The following ANKRD17 variants were observed in gnomAD, a reference collection of about 807,000 sequenced individuals.
The protein encoded by ANKRD17 is ankyrin repeat domain 17, also known as ankyrin repeat domain-containing protein 17.
A neutral mutation model predicts 229.7 loss-of-function variants in ANKRD17; 19 were observed. The ratio of observed to expected loss-of-function variants is 0.08; its 90% CI spans 0.06 to 0.12. The LOEUF is 0.12. Among genes scored for constraint, ANKRD17 ranks in the 10% least tolerant of loss-of-function variants. The probability of loss-of-function intolerance (pLI) is 1.00; values close to 1 mark genes in which losing one functional copy is unlikely to be tolerated. For missense variants in ANKRD17, 2,176 were observed against 3,176.8 expected, an observed-to-expected ratio of 0.68 and a Z score of 7.57; for synonymous variants, 1,112 against 1,146.1, an observed-to-expected ratio of 0.97 and a Z score of 0.60.
chr4:73,106,528 T>A (rs1237465508), intron 24 of ANKRD17, among the ~76,000 whole-genome samples: 1 of 152,012 alleles, frequency 6.6e-6, no homozygotes, highest in Non-Finnish European at 1.5e-5. Flanking sequence ...TCCCATGCAA[T>A]CAACGAAGAG....
At chr4:73,137,109 G>C (rs944500625) in intron 15 of ANKRD17, among the ~76,000 whole-genome samples, 1 of 151,246 alleles carries the variant, frequency 6.6e-6, no homozygotes, top group African/African-American at 2.4e-5. Context: ...AAAATTAGGT[G>C]ACTGTCAATC....
At chr4:73,084,319 G>A (rs1205412402) in intron 30 of ANKRD17, among the ~76,000 whole-genome samples, 1 of 152,118 alleles carries the variant, frequency 6.6e-6, no homozygotes, top group African/African-American at 2.4e-5. Flanking sequence ...TACAGCCTGG[G>A]TGACAGAGTG....
At chr4:73,206,422 AAGTGAGAGAG>A (rs1376062692) in intron 1 of ANKRD17, among the ~76,000 whole-genome samples, 89 of 144,766 alleles carry the variant, frequency 6.1e-4, no homozygotes, top group African/African-American at 1.1e-3. Context: ...GAGAGAAAGA[AAGTGAGAGAG>A]AGAGAGAGAG....
intron 13 of ANKRD17, 53 bp downstream of exon 13, chr4:73,142,189 G>T: frequency 6.8e-7 from 1 of 1,473,620 alleles, no homozygotes; most frequent in Non-Finnish European, 9.0e-7. Context: ...GTAAGTGAAA[G>T]AATTAGGATA....
In ANKRD17 at chr4:73,076,158, T is replaced by C. The variant is rs961757812; in HGVS notation, c.*73A>G. On this transcript the variant is annotated 3_prime_UTR_variant, in exon 34 of 34. Coordinates refer to ENST00000358602, the MANE Select transcript of ANKRD17 (RefSeq NM_032217.5). ...ACATCAGTAGAATGATTTGGGAGCATAATTTTTTTTTTCGGCCACTTGTGA... is the reference window on the plus strand; with the variant it reads ...ACATCAGTAGAATGATTTGGGAGCACAATTTTTTTTTTCGGCCACTTGTGA... 5.8e-6 allele frequency: 8 copies of C among 1,374,904 alleles called. No homozygotes were observed. The East Asian group carries it at 7.2e-5, about 12-fold the overall frequency. The allele number at this position is 1,374,904 out of a possible 1,614,324, so 85.2% of individuals were successfully genotyped here.
At chr4:73,187,071 G>A (rs1461315782) in intron 1 of ANKRD17, among the ~76,000 whole-genome samples, 1 of 152,150 alleles carries the variant, frequency 6.6e-6, no homozygotes, top group African/African-American at 2.4e-5. Context: ...GATGGTAGCA[G>A]TGGGGACCTG....
chr4:73,108,474 G>A (rs923973018), intron 24 of ANKRD17, among the ~76,000 whole-genome samples: 3 of 152,138 alleles, frequency 2.0e-5, no homozygotes, highest in African/African-American at 7.2e-5. Context: ...TTCGCTAAAA[G>A]GTAGGGGAGA....
chr4:73,083,978 C>A (rs1353545461), intron 30 of ANKRD17, among the ~76,000 whole-genome samples: 1 of 149,620 alleles, frequency 6.7e-6, no homozygotes, highest in Non-Finnish European at 1.5e-5. Flanking sequence ...CTTACTATAA[C>A]TTCCTTAAGG....
chr4:73,236,675 A>G (rs1226277878), intron 1 of ANKRD17, among the ~76,000 whole-genome samples: 1 of 152,180 alleles, frequency 6.6e-6, no homozygotes, highest in Admixed American at 6.6e-5. Flanking sequence ...AAAAATGACA[A>G]CTTCATTCCA....
At chr4:73,242,760 G>T (rs187590744) in intron 1 of ANKRD17, among the ~76,000 whole-genome samples, 2 of 152,132 alleles carry the variant, frequency 1.3e-5, no homozygotes, top group Non-Finnish European at 2.9e-5. Context: ...AAATAATTTC[G>T]CCAAGGTTCA....
intron 2 of ANKRD17, among the ~76,000 whole-genome samples, chr4:73,169,508 T>C (rs915294311): frequency 2.0e-5 from 3 of 150,992 alleles, no homozygotes; most frequent in African/African-American, 4.9e-5. Flanking sequence ...ACCACTGAGA[T>C]AGATGGAGTA....
rs569345634 is a variant in ANKRD17, at chr4:73,206,301, C to G, written c.394-28768G>C. ...TCTGCACTCCCACCCATGTTCACGGCACCATTGTTCACAACCACCAAGATA... is the reference window on the plus strand; with the variant it reads ...TCTGCACTCCCACCCATGTTCACGGGACCATTGTTCACAACCACCAAGATA... On this transcript the variant is annotated intron_variant, in intron 1 of 33. Transcript: ENST00000358602. Among the ~76,000 whole-genome samples the G allele has an allele frequency of 2.0e-5, 3 of 152,028 alleles. No individual in the cohort carries two copies. In the South Asian group the frequency reaches 6.2e-4, roughly 32 times the overall value.
chr4:73,247,617 G>A (rs182953526), intron 1 of ANKRD17, among the ~76,000 whole-genome samples: 7 of 151,928 alleles, frequency 4.6e-5, no homozygotes, highest in Admixed American at 4.6e-4. Context: ...TACACCAACT[G>A]TTAGCAGCAT....
chr4:73,079,084 A>G (rs906713712), intron 30 of ANKRD17, among the ~76,000 whole-genome samples, 194 bp from the exon 31 acceptor site: 2 of 152,262 alleles, frequency 1.3e-5, no homozygotes, highest in African/African-American at 4.8e-5. Context: ...TATGATGTCA[A>G]TGCTGCAAAA....
chr4:73,244,373 A>G (rs1032058751), intron 1 of ANKRD17, among the ~76,000 whole-genome samples: 9 of 152,182 alleles, frequency 5.9e-5, no homozygotes, highest in Admixed American at 2.6e-4. Context: ...GAGCTGTCCA[A>G]TAAAACTTTC....
chr4:73,156,986 A>G (rs1427350925), intron 3 of ANKRD17, among the ~76,000 whole-genome samples: 1 of 152,200 alleles, frequency 6.6e-6, no homozygotes, highest in Non-Finnish European at 1.5e-5. Context: ...ACTGAATTAA[A>G]ATTATCAATA....
chr4:73,168,210 T>C (rs1733496402), intron 2 of ANKRD17, among the ~76,000 whole-genome samples: 1 of 152,128 alleles, frequency 6.6e-6, no homozygotes, highest in Non-Finnish European at 1.5e-5. Flanking sequence ...AAAGCATTAT[T>C]GAACAGTATT....
At chr4:73,087,247 AGC>A (rs1722297067) in intron 29 of ANKRD17, among the ~76,000 whole-genome samples, 1 of 151,568 alleles carries the variant, frequency 6.6e-6, no homozygotes, top group Non-Finnish European at 1.5e-5. Context: ...CACCACACCC[AGC>A]TTTTTTATTT....
chr4:73,221,263 A>G (rs1240858138), intron 1 of ANKRD17, among the ~76,000 whole-genome samples: 1 of 152,152 alleles, frequency 6.6e-6, no homozygotes, highest in African/African-American at 2.4e-5. Context: ...GGTTGTTTTA[A>G]TAACTAGCAA....
Sources: gnomAD v4.1 joint callset for allele counts (sites outside exome capture counted in the v4.1 genomes callset) on GRCh38, gnomAD v4.1.1 for gene constraint, MANE v1.5 for transcripts, NCBI Gene and HGNC (gene_info 2026-07-23, HGNC 2026-07-21) for gene names.